Variants in MYO18B observed in about 807,000 individuals in gnomAD.
MYO18B encodes the protein unconventional myosin-XVIIIb.
A neutral mutation model predicts 273.0 loss-of-function variants in MYO18B; 204 were observed. The ratio of observed to expected loss-of-function variants is 0.75; its 90% CI spans 0.67 to 0.84. The LOEUF (loss-of-function observed/expected upper bound fraction) is 0.84, where lower values mean the gene tolerates loss of function less well. MYO18B is among the 40% of genes least tolerant of loss of function. The pLI is 0.00. For missense variants in MYO18B, 3,212 were observed against 3,287.6 expected (o/e 0.98, Z 0.56); for synonymous variants, 1,330 against 1,305.7 (o/e 1.02, Z -0.40).
At position 25,761,044 on chromosome 22, in the gene MYO18B, G is replaced by A; in HGVS notation, c.-49G>A. 1 of 1,606,984 alleles carries A rather than the reference G, an allele frequency of 6.2e-7. No homozygotes were observed. Among genetic ancestry groups the A allele is most frequent in the Non-Finnish European group, 8.5e-7 (1 of 1,174,782 alleles). Reference sequence around the variant, plus strand: ...AAGCCTCATTCCGTGCTGTCTGGCAGGAAGCTCCATCTCATCTCATCATCT... The same window carrying A: ...AAGCCTCATTCCGTGCTGTCTGGCAAGAAGCTCCATCTCATCTCATCATCT... On this transcript the variant is annotated 5_prime_UTR_variant, in exon 2 of 44. Coordinates refer to ENST00000335473, the MANE Select transcript of MYO18B (RefSeq NM_032608.7).
At chr22:25,790,536 G>A (rs779329124) in intron 11 of MYO18B, among the ~76,000 whole-genome samples, 3 of 152,130 alleles carry the variant, frequency 2.0e-5, no homozygotes, top group Non-Finnish European at 4.4e-5. Flanking sequence ...AGTTCCATGA[G>A]GGTGGGAGTC....
chr22:25,853,255 A>T (rs2090475544), intron 21 of MYO18B, among the ~76,000 whole-genome samples: 1 of 151,694 alleles, frequency 6.6e-6, no homozygotes, highest in Non-Finnish European at 1.5e-5. Flanking sequence ...TGTGCCTGAG[A>T]TCATCAGCAC....
chr22:25,948,512 C>T (rs1601658100), intron 36 of MYO18B, among the ~76,000 whole-genome samples: 3 of 121,700 alleles, frequency 2.5e-5, no homozygotes, highest in African/African-American at 1.0e-4. Flanking sequence ...TCTCTTTTCT[C>T]TTTCCTTCTT....
chr22:25,770,067 C>T (rs73398087), intron 4 of MYO18B, 43 bp from the exon 5 acceptor site: 7 of 1,593,524 alleles, frequency 4.4e-6, no homozygotes, highest in Middle Eastern at 1.7e-4. Context: ...AGATGGGCAG[C>T]GGTGCCATTT....
rs190987683 is a variant in MYO18B at position 25,759,467 on chromosome 22, A to G, written c.-109-1517A>G. 3.8e-3 allele frequency among the ~76,000 whole-genome samples: 584 copies of G among 152,306 alleles called. 1 individual carries two copies. Among genetic ancestry groups the G allele is most frequent in the African/African-American group, 0.014 (562 of 41,564 alleles). ...GTTCTCACTCAAATAGGAGTTGAAC[A>G]ATGAGAACACATGGACACAGGGAGG... On this transcript the variant is annotated intron_variant, in intron 1 of 43. Transcript: ENST00000335473.
intron 29 of MYO18B, chr22:25,900,935 C>T (rs1046895513): frequency 6.6e-6 from 1 of 152,232 alleles, no homozygotes; most frequent in Non-Finnish European, 1.5e-5. Flanking sequence ...TCCTCCTCTC[C>T]GAGTGATTTC....
chr22:25,902,206 A>AT (rs2146341697), intron 29 of MYO18B, among the ~76,000 whole-genome samples: 1 of 151,862 alleles, frequency 6.6e-6, no homozygotes, highest in Non-Finnish European at 1.5e-5. Context: ...CTGTCCATAT[A>AT]TTTTTATTAG....
intron 39 of MYO18B, among the ~76,000 whole-genome samples, chr22:25,963,383 G>A (rs149421412): frequency 2.0e-4 from 30 of 151,652 alleles, no homozygotes; most frequent in African/African-American, 5.8e-4. Context: ...AAGGCTCTAG[G>A]GGAGAATCCT....
intron 31 of MYO18B, among the ~76,000 whole-genome samples, chr22:25,907,542 G>C (rs574409814): frequency 6.6e-6 from 1 of 152,326 alleles, no homozygotes; most frequent in East Asian, 1.9e-4. Flanking sequence ...TTCTAAGACG[G>C]TTGTTTTCTA....
chr22:25,921,559 G>A, intron 34 of MYO18B, 150 bp downstream of exon 34: 3 of 991,264 alleles, frequency 3.0e-6, no homozygotes, highest in Non-Finnish European at 4.4e-6. Flanking sequence ...TTTCAGGGCT[G>A]TGAGGGTCAT....
chr22:26,010,785 G>T (rs1018130033), intron 42 of MYO18B, among the ~76,000 whole-genome samples: 1 of 152,150 alleles, frequency 6.6e-6, no homozygotes, highest in African/African-American at 2.4e-5. Flanking sequence ...GATTGCAGAA[G>T]TGGGCTAAAC....
In MYO18B at chr22:25,826,463, A is replaced by G; in HGVS notation, c.2750A>G (p.Gln917Arg). 2 of 1,613,870 alleles carry G rather than the reference A, an allele frequency of 1.2e-6. No homozygotes were observed. The highest frequency in any genetic ancestry group is 1.7e-6 in the Non-Finnish European group (2 of 1,179,776). The change falls in exon 14 of 44, where the codon CAG (glutamine) becomes CGG (arginine). Residue 917 changes from glutamine to arginine, a missense_variant. Gln to Arg is a conservative substitution (Grantham distance 43). Coordinates refer to ENST00000335473, the MANE Select transcript of MYO18B (RefSeq NM_032608.7). Reference sequence around the variant, plus strand: ...GAGGGGATGGCCTCGGGCCTGTACCAGGAACTCTTTGCGGCTGTGGTCTCA... The same window carrying G: ...GAGGGGATGGCCTCGGGCCTGTACCGGGAACTCTTTGCGGCTGTGGTCTCA... ...CVEGMASGLY[Q>R]ELFAAVVSLI... is the part of the protein sequence containing the mutation.
chr22:25,982,672 C>A (rs2146796766), intron 39 of MYO18B, among the ~76,000 whole-genome samples: 1 of 151,536 alleles, frequency 6.6e-6, no homozygotes, highest in South Asian at 2.1e-4. Context: ...CACATTGCTG[C>A]TTTCTCCCCC....
intron 13 of MYO18B, among the ~76,000 whole-genome samples, chr22:25,825,856 T>C (rs1295671394): frequency 6.6e-6 from 1 of 152,198 alleles, no homozygotes; most frequent in African/African-American, 2.4e-5. Flanking sequence ...GGTCCCAGTA[T>C]ACGAACATTT....
chr22:25,806,543 G>C (rs942396916), intron 12 of MYO18B, among the ~76,000 whole-genome samples: 4 of 152,208 alleles, frequency 2.6e-5, no homozygotes, highest in African/African-American at 9.7e-5. Context: ...GCGGGAGGGG[G>C]CTCTGAGGGC....
intron 31 of MYO18B, among the ~76,000 whole-genome samples, chr22:25,907,538 G>A (rs996084750): frequency 2.0e-5 from 3 of 152,230 alleles, no homozygotes; most frequent in Non-Finnish European, 4.4e-5. Context: ...AGCATTCTAA[G>A]ACGGTTGTTT....
chr22:25,948,924 G>A (rs899898789), intron 36 of MYO18B, among the ~76,000 whole-genome samples: 4 of 151,972 alleles, frequency 2.6e-5, no homozygotes, highest in African/African-American at 9.7e-5. Flanking sequence ...AGATTGGAGT[G>A]GGACATTGGG....
chr22:25,992,250 T>C (rs2093277814), intron 39 of MYO18B, 113 bp from the exon 40 acceptor site: 6 of 1,343,256 alleles, frequency 4.5e-6, no homozygotes, highest in Non-Finnish European at 6.2e-6. Context: ...TACCACTTCA[T>C]AGGTGCTCAG....
Position 25,817,413 on chromosome 22 carries a change from C to T in MYO18B, c.2522-6092C>T, listed in dbSNP as rs1161416245. 2.1e-5 allele frequency among the ~76,000 whole-genome samples: 3 copies of T among 144,160 alleles called. No individual in the cohort carries two copies. In the South Asian group the frequency reaches 7.2e-4, roughly 34 times the overall value. 94.6% of individuals were successfully genotyped at this position (144,160 alleles called of 152,430 possible). On this transcript the variant is annotated intron_variant, in intron 12 of 43. Transcript: ENST00000335473. ...TCCCTCCCTTCCTTCCTTCCTCCCT[C>T]CCTCTTTTCTTTCCCTTTCCTTTCC...
Sources: allele counts gnomAD v4.1 joint callset (sites outside exome capture counted in the v4.1 genomes callset), GRCh38; gene constraint gnomAD v4.1.1; transcripts MANE v1.5; gene names NCBI Gene and HGNC (gene_info 2026-07-23, HGNC 2026-07-21).